The following MOGAT3 variants were observed in gnomAD, a reference collection of about 807,000 sequenced individuals.
MOGAT3 encodes the protein 2-acylglycerol O-acyltransferase 3.
In MOGAT3, 39 loss-of-function variants were observed where a neutral mutation model predicts 34.4. The observed-to-expected ratio is 1.13, with a 90% CI of 0.88 to 1.48. The LOEUF (loss-of-function observed/expected upper bound fraction) is 1.48. MOGAT3 is among the 40% of genes most tolerant of loss of function. The probability of loss-of-function intolerance (pLI) is 0.00; values close to 1 mark genes in which losing one functional copy is unlikely to be tolerated. For missense variants in MOGAT3, 439 were observed against 438.9 expected, an observed-to-expected ratio of 1.00 and a Z score of 0.00; for synonymous variants, 209 against 179.2, an observed-to-expected ratio of 1.17 and a Z score of -1.33.
intron 1 of MOGAT3, 65 bp from the exon 2 acceptor site, chr7:101,200,580 C>A: frequency 7.2e-7 from 1 of 1,389,656 alleles, no homozygotes; most frequent in Non-Finnish European, 1.0e-6. Context: ...CCAGCTGCTC[C>A]CTTCCCTTCC....
chr7:101,200,359 C>T, intron 2 of MOGAT3, 49 bp downstream of exon 2: 1 of 1,610,806 alleles, frequency 6.2e-7, no homozygotes, highest in African/African-American at 1.3e-5. Flanking sequence ...CCCCTCACCC[C>T]CCATGTCCCC....
chr7:101,200,666 A>C, intron 1 of MOGAT3, 80 bp downstream of exon 1: 3 of 1,377,592 alleles, frequency 2.2e-6, no homozygotes, highest in East Asian at 2.3e-5. Context: ...TCAGGCATGC[A>C]AGCCAGCAGC....
chr7:101,194,605 C>G (rs1797737971), downstream of MOGAT3, among the ~76,000 whole-genome samples: 1 of 150,594 alleles, frequency 6.6e-6, no homozygotes, highest in Admixed American at 6.7e-5. Context: ...CGGGTTCACG[C>G]CATTCTCCTG....
intron 3 of MOGAT3, 43 bp downstream of exon 3, chr7:101,200,191 G>T: frequency 1.3e-6 from 2 of 1,535,636 alleles, no homozygotes; most frequent in Non-Finnish European, 1.8e-6. Context: ...GGAGGGAGAT[G>T]GGGAGAGGTA....
intron 5 of MOGAT3, among the ~76,000 whole-genome samples, chr7:101,196,854 G>A (rs1405429510): frequency 6.6e-6 from 1 of 152,226 alleles, no homozygotes; most frequent in Non-Finnish European, 1.5e-5. Context: ...GGGTGACAGA[G>A]TGAGACTTTG....
At position 101,200,729 on chromosome 7, in the gene MOGAT3, G is replaced by C; in HGVS notation, c.109+17C>G. On this transcript the variant is annotated intron_variant, in intron 1 of 6. Coordinates refer to ENST00000223114, the MANE Select transcript of MOGAT3 (RefSeq NM_178176.4). Reference sequence around the variant, plus strand: ...CCCCTGGCAGACCCCAGGCACCCACGCCTCCCCAGCTCTCACCCATGAAGA... The same window carrying C: ...CCCCTGGCAGACCCCAGGCACCCACCCCTCCCCAGCTCTCACCCATGAAGA... The C allele has an allele frequency of 1.2e-6, 2 of 1,605,500 alleles. No individual in the cohort carries two copies. The highest frequency in any genetic ancestry group is 1.7e-6 in the Non-Finnish European group (2 of 1,173,026).
Position 101,200,975 on chromosome 7 carries a change from T to G in MOGAT3, c.-121A>C, listed in dbSNP as rs1797941709. The G allele has an allele frequency of 7.1e-6, 5 of 705,954 alleles. No homozygotes were observed. The highest frequency in any genetic ancestry group is 9.5e-6 in the Non-Finnish European group (4 of 419,462). 43.7% of individuals were successfully genotyped at this position (705,954 alleles called of 1,614,324 possible). On this transcript the variant is annotated 5_prime_UTR_variant, in exon 1 of 7. Transcript: ENST00000223114. The stretch of plus-strand genomic sequence containing the variant: ...GCCCAGCTTTGGGGGCCTGGCTAAG[T>G]CGCAAATCACCTCCCAGAGTAGCGT...
chr7:101,197,005 A>G (rs1191722873), intron 5 of MOGAT3, among the ~76,000 whole-genome samples: 1 of 152,004 alleles, frequency 6.6e-6, no homozygotes, highest in African/African-American at 2.4e-5. Context: ...TCTACTAAAA[A>G]TACAAAAATT....
Position 101,195,082 on chromosome 7 carries a change from C to T in MOGAT3, c.*864G>A, listed in dbSNP as rs1278563119. 6.6e-6 allele frequency: 1 copy of T among 152,256 alleles called. No homozygotes were observed. The highest frequency in any genetic ancestry group is 2.4e-5 in the African/African-American group (1 of 41,452). The allele number at this position is 152,256 out of a possible 1,614,324, so 9.4% of individuals were successfully genotyped here. A position where few individuals can be genotyped will look rare whatever the true frequency, so the allele number is the denominator to read the frequency against. On this transcript the variant is annotated 3_prime_UTR_variant, in exon 7 of 7. Coordinates refer to ENST00000223114, the MANE Select transcript of MOGAT3 (RefSeq NM_178176.4). ...GGAAGAGGCTTGTCCAAGGTCATGCCACAGACTGAACTCTCACTGGGAGGA... is the reference window on the plus strand; with the variant it reads ...GGAAGAGGCTTGTCCAAGGTCATGCTACAGACTGAACTCTCACTGGGAGGA...
rs557943345 is a variant in MOGAT3, at chr7:101,196,132, A to G, written c.872-32T>C. ...GGAGAGGGAGACAGGTGGGCGAGGG[A>G]TCCCTGATGCCCACGCAGCTGCTGG... On this transcript the variant is annotated intron_variant, in intron 6 of 6. Transcript: ENST00000223114. The G allele has an allele frequency of 2.6e-5, 41 of 1,585,888 alleles. No homozygotes were observed. In the African/African-American group the frequency reaches 4.8e-4, roughly 19 times the overall value.
Position 101,201,010 on chromosome 7 carries a change from G to A in MOGAT3, c.-156C>T, listed in dbSNP as rs1797942639. ...CCTCCCAGAGTAGCGTGTGTCCGTAGGTGTGTGAGTGGGGAGATCTTTGGA... is the reference window on the plus strand; with the variant it reads ...CCTCCCAGAGTAGCGTGTGTCCGTAAGTGTGTGAGTGGGGAGATCTTTGGA... On this transcript the variant is annotated 5_prime_UTR_variant, in exon 1 of 7. Coordinates refer to ENST00000223114, the MANE Select transcript of MOGAT3 (RefSeq NM_178176.4). 2 of 586,616 alleles carry A rather than the reference G, an allele frequency of 3.4e-6. No homozygotes were observed. The highest frequency in any genetic ancestry group is 5.9e-5 in the East Asian group (2 of 34,122). 36.3% of individuals were successfully genotyped at this position (586,616 alleles called of 1,614,324 possible).
downstream of MOGAT3, among the ~76,000 whole-genome samples, chr7:101,194,109 T>C (rs1423221919): frequency 6.6e-6 from 1 of 152,096 alleles, no homozygotes; most frequent in Non-Finnish European, 1.5e-5. Context: ...GTCTCCCACC[T>C]CTACCTCCCA....
chr7:101,200,306 T>C lies in MOGAT3; in HGVS notation c.218-2A>G. 1 of 1,614,004 alleles carries C rather than the reference T, an allele frequency of 6.2e-7. No individual in the cohort carries two copies. The highest frequency in any genetic ancestry group is 8.5e-7 in the Non-Finnish European group (1 of 1,179,922). ...TTATCCACTCCGAACGCCTTCCACC[T>C]GCGGACAATGAGATACTGGTGGACG... On this transcript the variant is annotated splice_acceptor_variant, in intron 2 of 6. Coordinates refer to ENST00000223114, the MANE Select transcript of MOGAT3 (RefSeq NM_178176.4). LOFTEE classifies it high-confidence loss of function.
At position 101,195,795 on chromosome 7, in the gene MOGAT3, C is replaced by T; in HGVS notation, c.*151G>A. The T allele has an allele frequency of 1.3e-6, 1 of 791,090 alleles. No homozygotes were observed. Among genetic ancestry groups the T allele is most frequent in the South Asian group, 1.7e-5 (1 of 58,946 alleles). 49.0% of individuals were successfully genotyped at this position (791,090 alleles called of 1,614,324 possible). ...CTTCAACTCCTGGGCTCAAACGATC[C>T]TCCCACCTTGGCCTCCCAAAGTGCT... On this transcript the variant is annotated 3_prime_UTR_variant, in exon 7 of 7. Coordinates refer to ENST00000223114, the MANE Select transcript of MOGAT3 (RefSeq NM_178176.4).
Position 101,200,257 on chromosome 7 carries a change from G to C in MOGAT3, c.265C>G (p.Leu89Val). The C allele has an allele frequency of 1.2e-6, 2 of 1,614,004 alleles. No homozygotes were observed. The highest frequency in any genetic ancestry group is 1.7e-6 in the Non-Finnish European group (2 of 1,179,972). ...ACCTTGACAGGATAATAATCCCTTA[G>C]TTGTCTCCAAATTGCCCGGTTCCTT... The part of the protein sequence containing the change: ...WIRNRAIWRQ[L>V]RDYYPVKLVK... Residue 89 changes from leucine to valine, a missense_variant, in exon 3 of 7, where the codon CTA becomes GTA. Leu to Val is a conservative substitution (Grantham distance 32, BLOSUM62 1). Coordinates refer to ENST00000223114, the MANE Select transcript of MOGAT3 (RefSeq NM_178176.4).
intron 5 of MOGAT3, 35 bp downstream of exon 5, chr7:101,198,156 G>A (rs763228604): frequency 1.9e-6 from 3 of 1,580,046 alleles, no homozygotes; most frequent in African/African-American, 2.7e-5. Flanking sequence ...TAAACCAGCA[G>A]AGAACTGACA....
chr7:101,198,524 G>C (rs1372343020), intron 4 of MOGAT3, 102 bp downstream of exon 4: 4 of 1,357,304 alleles, frequency 2.9e-6, no homozygotes, highest in Non-Finnish European at 3.0e-6. Context: ...GCTGGCCCCT[G>C]TCCTGGGTGG....
chr7:101,198,456 C>T, intron 4 of MOGAT3, 91 bp from the exon 5 acceptor site: 1 of 1,412,010 alleles, frequency 7.1e-7, no homozygotes, highest in Non-Finnish European at 9.4e-7. Context: ...CCCCCTACCC[C>T]CATCTCCAAG....
chr7:101,196,779 G>A (rs1003380919), intron 5 of MOGAT3, among the ~76,000 whole-genome samples: 3 of 152,164 alleles, frequency 2.0e-5, no homozygotes, highest in African/African-American at 7.2e-5. Flanking sequence ...TGAGGCACAA[G>A]AATCGCTTGA....
Sources: gnomAD v4.1 joint callset for allele counts (sites outside exome capture counted in the v4.1 genomes callset) on GRCh38, gnomAD v4.1.1 for gene constraint, MANE v1.5 for transcripts, NCBI Gene and HGNC (gene_info 2026-07-23, HGNC 2026-07-21) for gene names.